Variants in GRM5 observed in about 807,000 individuals in gnomAD.
GRM5 encodes metabotropic glutamate receptor 5.
Under a neutral mutation model 83.1 loss-of-function variants are expected in GRM5, and 19 were observed. That is an observed-to-expected ratio of 0.23 (90% CI 0.16 to 0.34). The LOEUF (loss-of-function observed/expected upper bound fraction) is 0.34, where lower values mean the gene tolerates loss of function less well. Among genes scored for constraint, GRM5 ranks in the 10% least tolerant of loss-of-function variants. GRM5 has a pLI of 1.00. For missense variants in GRM5, 1,160 were observed against 1,588.3 expected (o/e 0.73, Z 4.58); for synonymous variants, 675 against 633.6 (o/e 1.07, Z -0.98).
chr11:88,807,990 T>C (rs976124719), intron 3 of GRM5, among the ~76,000 whole-genome samples: 1 of 152,056 alleles, frequency 6.6e-6, no homozygotes, highest in African/African-American at 2.4e-5. Context: ...TTTTATAGCA[T>C]ATGTTTTCAT....
intron 2 of GRM5, among the ~76,000 whole-genome samples, chr11:88,982,031 G>A (rs1939540993): frequency 6.6e-6 from 1 of 152,158 alleles, no homozygotes; most frequent in South Asian, 2.1e-4. Context: ...GCTCCAACAT[G>A]TAAAAAACCT....
chr11:88,720,954 A>G (rs1032532932), intron 3 of GRM5, among the ~76,000 whole-genome samples: 3 of 152,012 alleles, frequency 2.0e-5, no homozygotes, highest in African/African-American at 7.2e-5. Context: ...TTAAAAATAA[A>G]TACACAGTGG....
intron 2 of GRM5, among the ~76,000 whole-genome samples, chr11:88,978,503 A>G (rs1384563768): frequency 2.5e-5 from 2 of 80,636 alleles, no homozygotes; most frequent in African/African-American, 5.7e-5. Flanking sequence ...AAAAAAAAAA[A>G]AAAAAAAAAA....
chr11:88,643,091 A>G (rs909040666), intron 4 of GRM5, among the ~76,000 whole-genome samples: 7 of 42,682 alleles, frequency 1.6e-4, no homozygotes, highest in African/African-American at 2.5e-4. Context: ...GTACTTTATA[A>G]GAAAAAAATG....
intron 2 of GRM5, among the ~76,000 whole-genome samples, chr11:88,927,994 G>T (rs551774404): frequency 6.6e-6 from 1 of 151,994 alleles, no homozygotes; most frequent in East Asian, 1.9e-4. Context: ...CCTGTCCTTG[G>T]TTTTTAACAT....
intron 3 of GRM5, among the ~76,000 whole-genome samples, chr11:88,797,009 C>G (rs1943291890): frequency 6.6e-6 from 1 of 151,556 alleles, no homozygotes. Context: ...AGTGGACAAA[C>G]AGGAAATGTT....
At chr11:88,818,830 A>T (rs1044413251) in intron 3 of GRM5, among the ~76,000 whole-genome samples, 6 of 152,174 alleles carry the variant, frequency 3.9e-5, no homozygotes, top group South Asian at 2.1e-4. Context: ...AAGGGAAATT[A>T]AAAAAAGACA....
intron 2 of GRM5, among the ~76,000 whole-genome samples, chr11:88,957,996 AT>A (rs998224685): frequency 1.3e-5 from 2 of 151,980 alleles, no homozygotes; most frequent in African/African-American, 4.8e-5. Context: ...AGAAACTTAT[AT>A]TTTTTATACT....
chr11:89,005,185 T>C (rs986448847), intron 2 of GRM5, among the ~76,000 whole-genome samples: 1 of 152,254 alleles, frequency 6.6e-6, no homozygotes, highest in African/African-American at 2.4e-5. Flanking sequence ...AATATTTTAC[T>C]AAATTTTATG....
At chr11:88,700,359 G>A (rs895267023) in intron 3 of GRM5, among the ~76,000 whole-genome samples, 1 of 152,028 alleles carries the variant, frequency 6.6e-6, no homozygotes, top group African/African-American at 2.4e-5. Context: ...CAAGAAGAGA[G>A]TAGCTATGGG....
At position 88,559,814 on chromosome 11, in the gene GRM5, G is replaced by C. The variant is rs1310269695; in HGVS notation, c.2630+7239C>G. Among the ~76,000 whole-genome samples, 3 of 152,164 alleles carry C rather than the reference G, an allele frequency of 2.0e-5. No individual in the cohort carries two copies. The East Asian group carries it at 5.8e-4, about 29-fold the overall frequency. ...GTGTGTCTGTGGCGAGTCTAGAGAT[G>C]ATGGTGCAAAAGAGTCTTTCAATTA... On this transcript the variant is annotated intron_variant, in intron 8 of 9. Transcript: ENST00000305447.
chr11:88,792,764 T>A (rs953832470), intron 3 of GRM5, among the ~76,000 whole-genome samples: 2 of 152,104 alleles, frequency 1.3e-5, no homozygotes, highest in South Asian at 2.1e-4. Flanking sequence ...CTTTTTAAAT[T>A]GTCTTTTCTT....
At chr11:89,057,204 G>A (rs1343551345) in intron 1 of GRM5, among the ~76,000 whole-genome samples, 1 of 152,096 alleles carries the variant, frequency 6.6e-6, no homozygotes, top group Non-Finnish European at 1.5e-5. Context: ...ATCACAAACA[G>A]TCAGGGCTGT....
At chr11:88,933,270 T>C (rs1208006641) in intron 2 of GRM5, among the ~76,000 whole-genome samples, 2 of 129,084 alleles carry the variant, frequency 1.5e-5, no homozygotes, top group African/African-American at 5.8e-5. Context: ...TCAAGTAACA[T>C]CTAACTAAGT....
intron 4 of GRM5, among the ~76,000 whole-genome samples, chr11:88,611,500 C>A (rs973384672): frequency 6.6e-6 from 1 of 152,088 alleles, no homozygotes; most frequent in East Asian, 1.9e-4. Context: ...TGTTTGTGTG[C>A]ACAGTGATGC....
chr11:88,633,160 C>T (rs1052214749), intron 4 of GRM5, among the ~76,000 whole-genome samples: 1 of 152,082 alleles, frequency 6.6e-6, no homozygotes, highest in Non-Finnish European at 1.5e-5. Context: ...GGTCATGTAT[C>T]CTGTAAACAC....
In GRM5 at chr11:88,767,139, G is replaced by T. The variant is rs924335592; in HGVS notation, c.911+82767C>A. Among the ~76,000 whole-genome samples the T allele has an allele frequency of 2.0e-5, 3 of 151,884 alleles. No homozygotes were observed. In the East Asian group the frequency reaches 5.8e-4, roughly 29 times the overall value. ...GCTGGGATTAGAGACCTGAGCCATT[G>T]TTCCTGGCCGAGAATGGCTATTATG... On this transcript the variant is annotated intron_variant, in intron 3 of 9. Coordinates refer to ENST00000305447, the MANE Select transcript of GRM5 (RefSeq NM_001143831.3).
At chr11:88,991,091 C>A (rs1440080097) in intron 2 of GRM5, among the ~76,000 whole-genome samples, 1 of 152,204 alleles carries the variant, frequency 6.6e-6, no homozygotes, top group East Asian at 1.9e-4. Flanking sequence ...TTGCAGACGA[C>A]ATGATTGTGT....
chr11:88,705,222 A>G (rs761357491), intron 3 of GRM5, among the ~76,000 whole-genome samples: 1 of 152,044 alleles, frequency 6.6e-6, no homozygotes, highest in Non-Finnish European at 1.5e-5. Flanking sequence ...GCACATTAGA[A>G]TCACCTGACG....
Sources: gnomAD v4.1 joint callset for allele counts (sites outside exome capture counted in the v4.1 genomes callset) on GRCh38, gnomAD v4.1.1 for gene constraint, MANE v1.5 for transcripts, NCBI Gene and HGNC (gene_info 2026-07-23, HGNC 2026-07-21) for gene names.